The following CDH12 variants were observed in gnomAD, a reference collection of about 807,000 sequenced individuals.
CDH12 encodes cadherin-12.
In CDH12, 41 loss-of-function variants were observed where a neutral mutation model predicts 74.1. The ratio of observed to expected loss-of-function variants is 0.55; its 90% CI spans 0.43 to 0.72. The LOEUF (loss-of-function observed/expected upper bound fraction) is 0.72. CDH12 is among the 30% of genes least tolerant of loss of function. The pLI is 0.00. For synonymous variants in CDH12, 399 were observed against 355.0 expected (o/e 1.12, Z -1.39); for missense variants, 945 against 977.2 (o/e 0.97, Z 0.44).
intron 1 of CDH12, among the ~76,000 whole-genome samples, chr5:22,712,960 C>G (rs1049910828): frequency 1.3e-5 from 2 of 151,926 alleles, no homozygotes; most frequent in African/African-American, 4.8e-5. Context: ...ATAATATAAT[C>G]AGCAATCCAC....
rs10669028 is a variant in CDH12, at chr5:22,115,689, C to CTTTTTT, written c.-186-36833_-186-36828dup. Among the ~76,000 whole-genome samples, 13 of 110,482 alleles carry CTTTTTT rather than the reference C, an allele frequency of 1.2e-4. 3 individuals are homozygous for CTTTTTT. The highest frequency in any genetic ancestry group is 2.1e-4 in the Admixed American group (2 of 9,472). 72.5% of individuals were successfully genotyped at this position (110,482 alleles called of 152,430 possible). ...ATAGGCACAATTTTGGTCCTCGCGA[C>CTTTTTT]TTTTTTTTTTTTTTTTTTTTTGAGA... On this transcript the variant is annotated intron_variant, in intron 4 of 14. Coordinates refer to ENST00000382254, the MANE Select transcript of CDH12 (RefSeq NM_004061.5).
At chr5:22,076,104 A>G (rs1742296471) in intron 5 of CDH12, among the ~76,000 whole-genome samples, 1 of 152,084 alleles carries the variant, frequency 6.6e-6, no homozygotes, top group Admixed American at 6.6e-5. Context: ...AGAAATGTAC[A>G]TTGCTTGAGA....
At chr5:22,520,667 G>T (rs1431759806) in intron 1 of CDH12, among the ~76,000 whole-genome samples, 2 of 152,148 alleles carry the variant, frequency 1.3e-5, no homozygotes, top group Non-Finnish European at 2.9e-5. Flanking sequence ...TGTAGCTAAT[G>T]ATGTCAACTA....
intron 1 of CDH12, among the ~76,000 whole-genome samples, chr5:22,808,452 G>A (rs1748931475): frequency 1.3e-5 from 2 of 152,058 alleles, no homozygotes; most frequent in Admixed American, 1.3e-4. Flanking sequence ...ATAGTCAAAT[G>A]AGAATTTAAT....
intron 1 of CDH12, among the ~76,000 whole-genome samples, chr5:22,705,544 C>T (rs887318773): frequency 1.3e-5 from 2 of 150,184 alleles, no homozygotes; most frequent in Admixed American, 1.3e-4. Context: ...CACACCAATG[C>T]ACCATTTAGG....
intron 1 of CDH12, among the ~76,000 whole-genome samples, chr5:22,798,565 A>G (rs1226542646): frequency 6.6e-6 from 1 of 152,074 alleles, no homozygotes; most frequent in African/African-American, 2.4e-5. Flanking sequence ...TTTTTATCAT[A>G]TGAGTTTCCA....
intron 1 of CDH12, among the ~76,000 whole-genome samples, chr5:22,773,881 T>A (rs986859418): frequency 6.6e-6 from 1 of 151,964 alleles, no homozygotes; most frequent in African/African-American, 2.4e-5. Flanking sequence ...AACAAATATA[T>A]GAAAAAATAA....
intron 6 of CDH12, among the ~76,000 whole-genome samples, chr5:21,966,197 AG>A (rs1464924574): frequency 8.8e-6 from 1 of 113,978 alleles, no homozygotes; most frequent in Non-Finnish European, 1.8e-5. Context: ...GGTAATTTTT[AG>A]GGAGAAAAAA....
intron 3 of CDH12, among the ~76,000 whole-genome samples, chr5:22,329,035 A>C: frequency 6.6e-6 from 1 of 152,190 alleles, no homozygotes; most frequent in African/African-American, 2.4e-5. Flanking sequence ...GAGAAGAGAG[A>C]ATTTAAAGAA....
intron 2 of CDH12, among the ~76,000 whole-genome samples, chr5:22,413,721 A>G (rs1743260758): frequency 6.6e-6 from 1 of 152,062 alleles, no homozygotes; most frequent in Non-Finnish European, 1.5e-5. Flanking sequence ...ATAGACACAC[A>G]TACATATAGA....
chr5:22,405,775 G>A (rs185371589), intron 2 of CDH12, among the ~76,000 whole-genome samples: 27 of 152,166 alleles, frequency 1.8e-4, no homozygotes, highest in African/African-American at 6.3e-4. Context: ...TGTTACAGTC[G>A]TCCCTCAGGA....
At chr5:22,626,169 C>T (rs952898295) in intron 1 of CDH12, among the ~76,000 whole-genome samples, 1 of 152,206 alleles carries the variant, frequency 6.6e-6, no homozygotes, top group Admixed American at 6.5e-5. Flanking sequence ...CTCTGCCTCA[C>T]CATTGTTGCA....
At chr5:22,232,491 T>C (rs961927505) in intron 3 of CDH12, among the ~76,000 whole-genome samples, 1 of 151,916 alleles carries the variant, frequency 6.6e-6, no homozygotes, top group African/African-American at 2.4e-5. Context: ...TAACACAGAA[T>C]CATTGCATCT....
At chr5:22,720,953 C>A (rs1743851281) in intron 1 of CDH12, among the ~76,000 whole-genome samples, 1 of 152,178 alleles carries the variant, frequency 6.6e-6, no homozygotes, top group Non-Finnish European at 1.5e-5. Context: ...TCAGCCTAAC[C>A]ATGTGGTAGA....
At chr5:22,196,070 T>C (rs1019879914) in intron 4 of CDH12, among the ~76,000 whole-genome samples, 9 of 152,218 alleles carry the variant, frequency 5.9e-5, no homozygotes, top group African/African-American at 2.2e-4. Context: ...AGAAATAGTG[T>C]GTGTATATTA....
chr5:22,591,486 T>A (rs987156014), intron 1 of CDH12, among the ~76,000 whole-genome samples: 1 of 152,232 alleles, frequency 6.6e-6, no homozygotes, highest in Non-Finnish European at 1.5e-5. Context: ...TGTGAATATG[T>A]AGTTGAAATA....
intron 5 of CDH12, among the ~76,000 whole-genome samples, chr5:22,012,428 A>G (rs1370479474): frequency 2.0e-5 from 3 of 152,142 alleles, no homozygotes; most frequent in African/African-American, 7.2e-5. Context: ...AGTTAAGAAA[A>G]TGAAAAAGTG....
At chr5:22,613,270 C>T (rs1737505502) in intron 1 of CDH12, among the ~76,000 whole-genome samples, 1 of 151,946 alleles carries the variant, frequency 6.6e-6, no homozygotes, top group Non-Finnish European at 1.5e-5. Context: ...AAGTTCTGAA[C>T]AGAATTATCA....
intron 3 of CDH12, among the ~76,000 whole-genome samples, chr5:22,259,653 A>G (rs2150392874): frequency 6.6e-6 from 1 of 152,222 alleles, no homozygotes; most frequent in South Asian, 2.1e-4. Context: ...ATAAATATAC[A>G]TAAAATATTT....
Sources: allele counts gnomAD v4.1 joint callset (sites outside exome capture counted in the v4.1 genomes callset), GRCh38; gene constraint gnomAD v4.1.1; transcripts MANE v1.5; gene names NCBI Gene and HGNC (gene_info 2026-07-23, HGNC 2026-07-21).